Variants in SORBS2 observed in about 807,000 individuals in gnomAD.
SORBS2 encodes the protein sorbin and SH3 domain-containing protein 2.
SORBS2 carries 46 observed loss-of-function variants against 97.7 expected under a neutral mutation model. The observed-to-expected ratio is 0.47, with a 90% CI of 0.37 to 0.60. SORBS2 has a LOEUF of 0.60. Among genes scored for constraint, SORBS2 ranks in the 20% least tolerant of loss-of-function variants. SORBS2 has a pLI of 0.00. For missense variants in SORBS2, 1,316 were observed against 1,282.3 expected, an observed-to-expected ratio of 1.03 and a Z score of -0.40; for synonymous variants, 476 against 473.4, an observed-to-expected ratio of 1.01 and a Z score of -0.07.
At chr4:185,701,267 G>A (rs1449877320) in intron 2 of SORBS2, among the ~76,000 whole-genome samples, 1 of 152,082 alleles carries the variant, frequency 6.6e-6, no homozygotes, top group African/African-American at 2.4e-5. Context: ...ACTCTTTCAG[G>A]GCAGCCTGGT....
At chr4:185,677,095 G>A (rs1166514395) in intron 4 of SORBS2, 1 of 1,551,538 alleles carries the variant, frequency 6.4e-7, no homozygotes, top group Non-Finnish European at 8.7e-7. Flanking sequence ...AGCTCAGGTA[G>A]CTGTTTGTGG....
At chr4:185,781,492 A>G (rs907188257) in intron 1 of SORBS2, among the ~76,000 whole-genome samples, 1 of 151,660 alleles carries the variant, frequency 6.6e-6, no homozygotes, top group African/African-American at 2.4e-5. Flanking sequence ...CATTGCCTCC[A>G]GCCTCTCTAG....
chr4:185,624,706 A>T (rs547870757), intron 6 of SORBS2, among the ~76,000 whole-genome samples: 1 of 152,318 alleles, frequency 6.6e-6, no homozygotes, highest in East Asian at 1.9e-4. Context: ...TTTTCAGTGA[A>T]TGTAGCTTTG....
chr4:185,626,363 A>AT (rs1043289645), intron 6 of SORBS2, among the ~76,000 whole-genome samples: 3 of 152,204 alleles, frequency 2.0e-5, no homozygotes, highest in African/African-American at 2.4e-5. Flanking sequence ...AATAGGTCGG[A>AT]TTTTTTTAAA....
At position 185,778,738 on chromosome 4, in the gene SORBS2, G is replaced by T. The variant is rs563678510; in HGVS notation, c.-337-3372C>A. ...ATCAGACTGGATGTGGAAAGGCCAG[G>T]ATCTAGATCATTTGTACATCATTAA... On this transcript the variant is annotated intron_variant, in intron 1 of 20. Coordinates refer to the SORBS2 transcript ENST00000284776. 3.9e-5 allele frequency among the ~76,000 whole-genome samples: 6 copies of T among 152,244 alleles called. No individual in the cohort carries two copies. The South Asian group carries it at 1.2e-3, about 32-fold the overall frequency.
chr4:185,772,027 T>A (rs971974146), intron 2 of SORBS2: 3 of 152,132 alleles, frequency 2.0e-5, no homozygotes, highest in Non-Finnish European at 2.9e-5. Flanking sequence ...TACAAAAAAA[T>A]TCAATATTCA....
intron 1 of SORBS2, among the ~76,000 whole-genome samples, chr4:185,846,473 T>C (rs954067273): frequency 6.6e-6 from 1 of 152,324 alleles, no homozygotes; most frequent in African/African-American, 2.4e-5. Context: ...GTGTTGGAAG[T>C]TCTGTAATTT....
At chr4:185,693,179 A>G (rs1435276617) in intron 2 of SORBS2, among the ~76,000 whole-genome samples, 2 of 152,196 alleles carry the variant, frequency 1.3e-5, no homozygotes, top group African/African-American at 4.8e-5. Flanking sequence ...GGGAAATTTT[A>G]TGATGGTGAA....
intron 4 of SORBS2, chr4:185,665,622 G>C (rs912913695): frequency 3.0e-6 from 1 of 337,558 alleles, no homozygotes; most frequent in African/African-American, 2.2e-5. Flanking sequence ...CATAGAATTG[G>C]TTTGGGAATC....
intron 1 of SORBS2, among the ~76,000 whole-genome samples, chr4:185,944,494 A>G (rs1190668140): frequency 6.6e-6 from 1 of 152,254 alleles, no homozygotes; most frequent in Non-Finnish European, 1.5e-5. Flanking sequence ...GACTATAAAG[A>G]CACAACACAT....
intron 2 of SORBS2, among the ~76,000 whole-genome samples, chr4:185,706,528 C>T (rs2098343628): frequency 6.6e-6 from 1 of 152,138 alleles, no homozygotes; most frequent in African/African-American, 2.4e-5. Context: ...ACATCCCCCT[C>T]CCTCCTTTCC....
chr4:185,628,172 A>T (rs1292310238), intron 5 of SORBS2, among the ~76,000 whole-genome samples: 1 of 152,146 alleles, frequency 6.6e-6, no homozygotes, highest in African/African-American at 2.4e-5. Flanking sequence ...TGTGAACCTA[A>T]GTTTTTAAAC....
intron 1 of SORBS2, among the ~76,000 whole-genome samples, chr4:185,947,815 T>G (rs2099275280): frequency 6.6e-6 from 1 of 152,190 alleles, no homozygotes; most frequent in African/African-American, 2.4e-5. Context: ...TTCACCAGGT[T>G]GGCCAGGCTG....
At chr4:185,861,327 T>G (rs1362717095) in intron 1 of SORBS2, among the ~76,000 whole-genome samples, 8 of 130,240 alleles carry the variant, frequency 6.1e-5, no homozygotes, top group African/African-American at 2.3e-4. Context: ...GGGGGTGGGG[T>G]CCATCAGTCG....
intron 2 of SORBS2, among the ~76,000 whole-genome samples, chr4:185,690,230 C>T (rs916025685): frequency 1.3e-5 from 2 of 152,120 alleles, no homozygotes; most frequent in Non-Finnish European, 1.5e-5. Flanking sequence ...GAGCAACTTG[C>T]CTTTGAATTT....
At chr4:185,720,385 A>G (rs2098503096) in intron 2 of SORBS2, among the ~76,000 whole-genome samples, 1 of 152,238 alleles carries the variant, frequency 6.6e-6, no homozygotes, top group South Asian at 2.1e-4. Context: ...CCAATTTTAC[A>G]TTAAACTCTG....
chr4:185,600,663 ATGCTTAGCAAT>A (rs1334622261), intron 12 of SORBS2, among the ~76,000 whole-genome samples: 3 of 152,130 alleles, frequency 2.0e-5, no homozygotes, highest in Non-Finnish European at 2.9e-5. Context: ...CTTTCATAGA[ATGCTTAGCAAT>A]TGGGTTCAAG....
chr4:185,853,461 T>C (rs1483917317), intron 1 of SORBS2, among the ~76,000 whole-genome samples: 8 of 152,158 alleles, frequency 5.3e-5, no homozygotes, highest in Non-Finnish European at 1.0e-4. Flanking sequence ...GTACTTGGGA[T>C]AGCTATTCAC....
In SORBS2 at chr4:185,624,514, T is replaced by C. The variant is rs1186126939; in HGVS notation, c.635-20A>G. ...CCCCACCTTTTAATCCAGAGCAGCG[T>C]GGTAGAAGAGAGACATTTGGAGAAG... On this transcript the variant is annotated intron_variant, in intron 6 of 14. Coordinates refer to ENST00000418609, the Ensembl canonical transcript of SORBS2. The C allele has an allele frequency of 4.4e-6, 7 of 1,577,008 alleles. No individual in the cohort carries two copies. In the Admixed American group the frequency reaches 7.1e-5, roughly 16 times the overall value.
Sources: allele counts gnomAD v4.1 joint callset (sites outside exome capture counted in the v4.1 genomes callset), GRCh38; gene constraint gnomAD v4.1.1; transcripts MANE v1.5; gene names NCBI Gene and HGNC (gene_info 2026-07-23, HGNC 2026-07-21).